Variants in PRTFDC1 observed in about 807,000 individuals in gnomAD.
The protein encoded by PRTFDC1 is phosphoribosyl transferase domain containing 1.
Under a neutral mutation model 34.6 loss-of-function variants are expected in PRTFDC1, and 38 were observed. That is an observed-to-expected ratio of 1.10 (90% confidence interval 0.85 to 1.44). PRTFDC1 has a LOEUF of 1.44. Among genes scored for constraint, PRTFDC1 ranks in the 40% most tolerant of loss-of-function variants. The pLI, the probability that PRTFDC1 is intolerant of heterozygous loss-of-function variation, is 0.00. For missense variants in PRTFDC1, 270 were observed against 283.0 expected (o/e 0.95, Z 0.33); for synonymous variants, 93 against 98.1 (o/e 0.95, Z 0.31).
intron 4 of PRTFDC1, among the ~76,000 whole-genome samples, chr10:24,866,535 A>C (rs1448154507): frequency 1.3e-5 from 2 of 152,092 alleles, no homozygotes; most frequent in African/African-American, 4.8e-5. Context: ...GTGAATATGA[A>C]TAAAATCTTA....
chr10:24,860,420 C>T (rs16925092), intron 4 of PRTFDC1, among the ~76,000 whole-genome samples: 5,771 of 152,016 alleles, frequency 0.038, 345 homozygotes, highest in African/African-American at 0.13. Flanking sequence ...ACTACACATT[C>T]GATAACTTAC....
At chr10:24,939,167 G>T (rs1275953684) in intron 2 of PRTFDC1, among the ~76,000 whole-genome samples, 3 of 151,876 alleles carry the variant, frequency 2.0e-5, no homozygotes, top group Admixed American at 2.0e-4. Context: ...CGGGCTTGGT[G>T]GTCTGCGCCT....
At chr10:24,919,012 T>C (rs951509519) in intron 3 of PRTFDC1, among the ~76,000 whole-genome samples, 1 of 152,122 alleles carries the variant, frequency 6.6e-6, no homozygotes, top group Non-Finnish European at 1.5e-5. Context: ...TCCTTACATG[T>C]AAAATGGGGA....
chr10:24,933,449 T>C (rs1848998677), intron 3 of PRTFDC1, among the ~76,000 whole-genome samples: 4 of 152,184 alleles, frequency 2.6e-5, no homozygotes, highest in Non-Finnish European at 5.9e-5. Context: ...AACAAACACT[T>C]CATCAAAAAA....
chr10:24,852,983 T>C (rs539834948), intron 7 of PRTFDC1, among the ~76,000 whole-genome samples: 44 of 150,998 alleles, frequency 2.9e-4, no homozygotes, highest in African/African-American at 1.0e-3. Flanking sequence ...TTCTAGGGGG[T>C]TGCATTATGG....
At chr10:24,871,756 C>T (rs895654033) in intron 4 of PRTFDC1, among the ~76,000 whole-genome samples, 1 of 152,020 alleles carries the variant, frequency 6.6e-6, no homozygotes, top group African/African-American at 2.4e-5. Context: ...AGGGGTTTTG[C>T]TGTCTGAAAC....
Position 24,908,760 on chromosome 10 carries a change from A to G in PRTFDC1, c.339+28424T>C, listed in dbSNP as rs1036395720. 7 of 1,475,436 alleles carry G rather than the reference A, an allele frequency of 4.7e-6. No homozygotes were observed. The African/African-American group carries it at 9.8e-5, about 21-fold the overall frequency. The allele number at this position is 1,475,436 out of a possible 1,614,324, so 91.4% of individuals were successfully genotyped here. A position where few individuals can be genotyped will look rare whatever the true frequency, so the allele number is the denominator to read the frequency against. On this transcript the variant is annotated intron_variant, in intron 3 of 8. Coordinates refer to ENST00000320152, the MANE Select transcript of PRTFDC1 (RefSeq NM_020200.7). ...CTAGCCAGCCCGATCAGCCTGATCA[A>G]CCCTAGCGATCAATGGGGTGACTGA...
intron 7 of PRTFDC1, among the ~76,000 whole-genome samples, chr10:24,852,811 TG>T (rs1847512059): frequency 6.6e-6 from 1 of 152,098 alleles, no homozygotes; most frequent in Non-Finnish European, 1.5e-5. Flanking sequence ...GCTTATAGCC[TG>T]GGCAAAGTCA....
intron 4 of PRTFDC1, among the ~76,000 whole-genome samples, chr10:24,864,128 C>A (rs1408717509): frequency 2.0e-5 from 3 of 151,798 alleles, no homozygotes; most frequent in African/African-American, 7.3e-5. Flanking sequence ...TTGCTGTAAC[C>A]TGATGATCAA....
intron 1 of PRTFDC1, among the ~76,000 whole-genome samples, chr10:24,948,060 T>C (rs1412217018): frequency 6.6e-6 from 1 of 152,164 alleles, no homozygotes; most frequent in African/African-American, 2.4e-5. Context: ...GAAAACTCAT[T>C]ACCACCTAGT....
chr10:24,907,437 A>G (rs1848555333), intron 3 of PRTFDC1, among the ~76,000 whole-genome samples: 1 of 151,834 alleles, frequency 6.6e-6, no homozygotes, highest in African/African-American at 2.4e-5. Context: ...TCTACTAAAA[A>G]ATATAAAAAT....
intron 4 of PRTFDC1, among the ~76,000 whole-genome samples, chr10:24,870,176 C>T (rs1847849725): frequency 1.3e-5 from 2 of 152,182 alleles, no homozygotes; most frequent in Admixed American, 1.3e-4. Flanking sequence ...CTGGTGCCAT[C>T]ATAGCTCACT....
At chr10:24,898,815 A>G (rs937571964) in intron 3 of PRTFDC1, among the ~76,000 whole-genome samples, 4 of 152,182 alleles carry the variant, frequency 2.6e-5, no homozygotes, top group Admixed American at 6.5e-5. Flanking sequence ...CTGAATGTTT[A>G]TGTCTCCCCC....
intron 4 of PRTFDC1, among the ~76,000 whole-genome samples, chr10:24,870,881 G>T (rs1274037583): frequency 6.6e-6 from 1 of 151,792 alleles, no homozygotes; most frequent in Non-Finnish European, 1.5e-5. Flanking sequence ...AGACCCGCCT[G>T]GCCAACATGG....
chr10:24,946,967 C>A (rs1849259955), intron 1 of PRTFDC1, among the ~76,000 whole-genome samples: 1 of 151,876 alleles, frequency 6.6e-6, no homozygotes, highest in African/African-American at 2.4e-5. Flanking sequence ...GAGAACCCAT[C>A]TCTACAAAAA....
intron 7 of PRTFDC1, among the ~76,000 whole-genome samples, 178 bp downstream of exon 7, chr10:24,855,140 T>C (rs906245749): frequency 1.3e-5 from 2 of 152,238 alleles, no homozygotes; most frequent in Admixed American, 1.3e-4. Context: ...TGAAGGGTTC[T>C]GTTTTCCCTA....
chr10:24,940,326 T>C (rs1008977297), intron 2 of PRTFDC1, among the ~76,000 whole-genome samples: 4 of 152,138 alleles, frequency 2.6e-5, no homozygotes, highest in African/African-American at 9.7e-5. Context: ...AAATCATATA[T>C]CTGATAAAGG....
rs1847619297 is a variant in PRTFDC1 at position 24,858,429 on chromosome 10, T to C, written c.406-20A>G. On this transcript the variant is annotated intron_variant, in intron 4 of 8. Coordinates refer to ENST00000320152, the MANE Select transcript of PRTFDC1 (RefSeq NM_020200.7). ...AACATTCTGAAATAAACAAAACCCA[T>C]ATTTTAGAATGTGATGCCAATCTGA... The C allele has an allele frequency of 1.2e-6, 2 of 1,612,406 alleles. No individual in the cohort carries two copies. The highest frequency in any genetic ancestry group is 1.3e-5 in the African/African-American group (1 of 74,878).
Position 24,857,011 on chromosome 10 carries a change from A to G in PRTFDC1, c.424-16T>C, listed in dbSNP as rs1847590172. The G allele has an allele frequency of 6.3e-7, 1 of 1,592,912 alleles. No homozygotes were observed. Among genetic ancestry groups the G allele is most frequent in the East Asian group, 2.2e-5 (1 of 44,750 alleles). ...CGACAACATCCTTTGCAAAAAGGAC[A>G]GATAAATTCAACAAAATGCATTTGA... On this transcript the variant is annotated splice_polypyrimidine_tract_variant and intron_variant, in intron 5 of 8. Coordinates refer to ENST00000320152, the MANE Select transcript of PRTFDC1 (RefSeq NM_020200.7).
Sources: allele counts gnomAD v4.1 joint callset (sites outside exome capture counted in the v4.1 genomes callset), GRCh38; gene constraint gnomAD v4.1.1; transcripts MANE v1.5; gene names NCBI Gene and HGNC (gene_info 2026-07-23, HGNC 2026-07-21).